EGFLAM: variants seen among roughly 807,000 people sequenced by gnomAD.
EGFLAM encodes the protein EGF like, fibronectin type III and laminin G domains, also known as pikachurin.
Under a neutral mutation model 113.1 loss-of-function variants are expected in EGFLAM, and 79 were observed. The ratio of observed to expected loss-of-function variants is 0.70; its 90% CI spans 0.58 to 0.84. The LOEUF is 0.84. EGFLAM is among the 40% of genes least tolerant of loss of function. The probability of loss-of-function intolerance (pLI) is 0.00; values close to 1 mark genes in which losing one functional copy is unlikely to be tolerated. For missense variants in EGFLAM, 1,265 were observed against 1,291.6 expected (o/e 0.98, Z 0.32); for synonymous variants, 504 against 487.6 (o/e 1.03, Z -0.44).
intron 5 of EGFLAM, among the ~76,000 whole-genome samples, chr5:38,354,254 TAA>T (rs1240876416): frequency 6.8e-6 from 1 of 146,700 alleles, no homozygotes; most frequent in South Asian, 2.2e-4. Context: ...GGAATATCCC[TAA>T]AAAAAAAAGA....
Position 38,352,518 on chromosome 5 carries a change from G to A in EGFLAM, c.545+187G>A, listed in dbSNP as rs867926694. On this transcript the variant is annotated intron_variant, in intron 5 of 21. Transcript: ENST00000322350. ...AAAAATTAGCTGGGCGTGATGGCAC[G>A]TGCCTGTAGTCTCAGCTACTCAGGA... Among the ~76,000 whole-genome samples the A allele has an allele frequency of 6.6e-5, 10 of 152,100 alleles. No individual in the cohort carries two copies. The South Asian group carries it at 1.0e-3, about 16-fold the overall frequency.
chr5:38,354,636 G>C (rs543005127), intron 5 of EGFLAM, among the ~76,000 whole-genome samples: 1 of 151,942 alleles, frequency 6.6e-6, no homozygotes, highest in South Asian at 2.1e-4. Context: ...AGGCTGAGGC[G>C]TGAGAATTGC....
intron 6 of EGFLAM, among the ~76,000 whole-genome samples, chr5:38,375,966 T>C (rs1579839064): frequency 6.6e-6 from 1 of 152,292 alleles, no homozygotes; most frequent in East Asian, 1.9e-4. Flanking sequence ...TGGGAGGCGT[T>C]CCACACAAAT....
At chr5:38,265,781 C>A (rs1309495220) in intron 1 of EGFLAM, among the ~76,000 whole-genome samples, 2 of 152,206 alleles carry the variant, frequency 1.3e-5, no homozygotes, top group East Asian at 3.9e-4. Flanking sequence ...CGGGTCTCCG[C>A]CCTCAGCAGT....
At chr5:38,455,588 T>C (rs1743060395) in intron 19 of EGFLAM, among the ~76,000 whole-genome samples, 2 of 152,170 alleles carry the variant, frequency 1.3e-5, no homozygotes, top group Non-Finnish European at 2.9e-5. Flanking sequence ...TATGATTATA[T>C]ACACGAGGGA....
At chr5:38,451,281 T>G in intron 18 of EGFLAM, 34 bp from the exon 19 acceptor site, 1 of 1,600,398 alleles carries the variant, frequency 6.2e-7, no homozygotes, top group East Asian at 2.2e-5. Context: ...TGTTGGTGGT[T>G]GATTTGGTGG....
rs184739321 is a variant in EGFLAM, at chr5:38,275,451, A to C, written c.97+16600A>C. Among the ~76,000 whole-genome samples the C allele has an allele frequency of 8.7e-4, 132 of 152,350 alleles. 1 individual carries two copies. The highest frequency in any genetic ancestry group is 1.0e-3 in the Admixed American group (16 of 15,308). On this transcript the variant is annotated intron_variant, in intron 1 of 21. Transcript: ENST00000322350. ...TATCAGATAAAATAGACTTTAAGTCAAAAACTATAAAAAGAGACAAAAAAG... is the reference window on the plus strand; with the variant it reads ...TATCAGATAAAATAGACTTTAAGTCCAAAACTATAAAAAGAGACAAAAAAG...
At chr5:38,292,207 T>C (rs1251091823) in intron 1 of EGFLAM, among the ~76,000 whole-genome samples, 2 of 152,218 alleles carry the variant, frequency 1.3e-5, no homozygotes, top group African/African-American at 4.8e-5. Flanking sequence ...CATTACTTGC[T>C]TCAATAATTT....
intron 21 of EGFLAM, 58 bp from the exon 22 acceptor site, chr5:38,463,774 C>T: frequency 6.3e-7 from 1 of 1,595,634 alleles, no homozygotes; most frequent in Non-Finnish European, 8.6e-7. Flanking sequence ...GAACCCCGAC[C>T]TTGCCCTGCG....
intron 1 of EGFLAM, among the ~76,000 whole-genome samples, chr5:38,262,143 T>C (rs1309589581): frequency 6.6e-6 from 1 of 152,194 alleles, no homozygotes; most frequent in Non-Finnish European, 1.5e-5. Context: ...AACTGGCACC[T>C]GGACCTCCCA....
chr5:38,294,256 A>G (rs992170755), intron 1 of EGFLAM, among the ~76,000 whole-genome samples: 1 of 152,194 alleles, frequency 6.6e-6, no homozygotes, highest in Non-Finnish European at 1.5e-5. Context: ...CAGAGGCAAA[A>G]GAGGGAAGCC....
At chr5:38,397,272 A>G (rs934130123) in intron 6 of EGFLAM, among the ~76,000 whole-genome samples, 2 of 152,134 alleles carry the variant, frequency 1.3e-5, no homozygotes, top group African/African-American at 2.4e-5. Flanking sequence ...TGGTTCCAGC[A>G]GATTATTTGG....
At chr5:38,363,398 GAA>G (rs1192025392) in intron 5 of EGFLAM, among the ~76,000 whole-genome samples, 1 of 151,582 alleles carries the variant, frequency 6.6e-6, no homozygotes, top group Admixed American at 6.6e-5. Flanking sequence ...ACTTGGATTG[GAA>G]AAAAAATTAT....
At position 38,431,208 on chromosome 5, in the gene EGFLAM, C is replaced by T; in HGVS notation, c.2086C>T (p.His696Tyr). The change falls in exon 15 of 22, where the codon CAC becomes TAC. Residue 696 changes from histidine (H) to tyrosine (Y), a missense_variant. Coordinates refer to ENST00000322350, the MANE Select transcript of EGFLAM (RefSeq NM_152403.4). ...AGATCCCCTCACCCTGGGCAACTGG[C>T]ACGAGCTTCGTGTATCTCGCACAGC... ...SEDPLTLGNW[H>Y]ELRVSRTAKN... The T allele has an allele frequency of 3.7e-6, 6 of 1,614,142 alleles. No individual in the cohort carries two copies. Among genetic ancestry groups the T allele is most frequent in the Non-Finnish European group, 5.1e-6 (6 of 1,179,998 alleles).
In EGFLAM at chr5:38,448,455, T is replaced by G; in HGVS notation, c.2543+76T>G. On this transcript the variant is annotated intron_variant, in intron 18 of 21. Coordinates refer to ENST00000322350, the MANE Select transcript of EGFLAM (RefSeq NM_152403.4). ...CTATATCTTTCTCAGGGCTTTTTCTTATATTTCATGCCAGAAGATAATTCT... is the reference window on the plus strand; with the variant it reads ...CTATATCTTTCTCAGGGCTTTTTCTGATATTTCATGCCAGAAGATAATTCT... The G allele has an allele frequency of 2.1e-6, 3 of 1,441,142 alleles. No homozygotes were observed. In the South Asian group the frequency reaches 3.5e-5, roughly 17 times the overall value. The allele number at this position is 1,441,142 out of a possible 1,614,324, so 89.3% of individuals were successfully genotyped here.
intron 1 of EGFLAM, chr5:38,285,573 T>G (rs1469245607): frequency 6.6e-6 from 1 of 152,270 alleles, no homozygotes; most frequent in East Asian, 1.9e-4. Flanking sequence ...ACAGAGGGAA[T>G]GGAGGCCATT....
rs114778722 is a variant in EGFLAM at position 38,273,430 on chromosome 5, T to C, written c.97+14579T>C. On this transcript the variant is annotated intron_variant, in intron 1 of 21. Coordinates refer to ENST00000322350, the MANE Select transcript of EGFLAM (RefSeq NM_152403.4). ...GAGGCTTTGGACTCCACATAATCCC[T>C]AGTGACAGGAAGGCCTCAGAAGGTG... Among the ~76,000 whole-genome samples, 1,093 of 152,326 alleles carry C rather than the reference T, an allele frequency of 7.2e-3. 9 individuals are homozygous for C. The highest frequency in any genetic ancestry group is 0.014 in the Middle Eastern group (4 of 294).
intron 1 of EGFLAM, among the ~76,000 whole-genome samples, chr5:38,272,665 A>C (rs1415900018): frequency 6.6e-6 from 1 of 152,206 alleles, no homozygotes; most frequent in Non-Finnish European, 1.5e-5. Context: ...AAGAACCAAC[A>C]TGCCTGATAA....
chr5:38,398,018 G>A (rs1741007587), intron 6 of EGFLAM, among the ~76,000 whole-genome samples: 1 of 152,136 alleles, frequency 6.6e-6, no homozygotes, highest in African/African-American at 2.4e-5. Context: ...AGGGTAGCAG[G>A]ACTGACTTTA....
Sources: allele counts gnomAD v4.1 joint callset (sites outside exome capture counted in the v4.1 genomes callset), GRCh38; gene constraint gnomAD v4.1.1; transcripts MANE v1.5; gene names NCBI Gene and HGNC (gene_info 2026-07-23, HGNC 2026-07-21).